Variants in DNM3 observed in about 807,000 individuals in gnomAD.
DNM3 encodes dynamin 3.
A neutral mutation model predicts 101.6 loss-of-function variants in DNM3; 47 were observed. The ratio of observed to expected loss-of-function variants is 0.46; its 90% confidence interval spans 0.37 to 0.59. The LOEUF is 0.59. Ranked by LOEUF, DNM3 falls within the 20% of genes least tolerant of loss-of-function variation. The pLI, the probability that DNM3 is intolerant of heterozygous loss-of-function variation, is 0.00. For missense variants in DNM3, 849 were observed against 1,085.7 expected (o/e 0.78, Z 3.06); for synonymous variants, 385 against 387.9 (o/e 0.99, Z 0.09).
intron 1 of DNM3, among the ~76,000 whole-genome samples, chr1:171,881,614 G>A (rs540377018): frequency 2.6e-5 from 4 of 152,288 alleles, no homozygotes; most frequent in African/African-American, 7.2e-5. Context: ...GGAGAGTCAG[G>A]ATGAAGGTCA....
rs555914688 is a variant in DNM3, at chr1:171,867,543, A to G, written c.161+25726A>G. Among the ~76,000 whole-genome samples the G allele has an allele frequency of 8.5e-4, 129 of 152,320 alleles. 1 individual carries two copies. Among genetic ancestry groups the G allele is most frequent in the African/African-American group, 2.7e-3 (114 of 41,570 alleles). The stretch of plus-strand genomic sequence containing the variant: ...TGTTTTTCTTTCAGATATTAACTCT[A>G]TGCTAAGGTTAGAGGCACCCAAACT... On this transcript the variant is annotated intron_variant, in intron 1 of 20. Coordinates refer to ENST00000627582, the MANE Select transcript of DNM3 (RefSeq NM_015569.5).
intron 2 of DNM3, among the ~76,000 whole-genome samples, chr1:171,966,809 T>C (rs2043621698): frequency 6.6e-6 from 1 of 152,206 alleles, no homozygotes; most frequent in African/African-American, 2.4e-5. Flanking sequence ...GGGCAAACTA[T>C]AGGACACAAA....
intron 1 of DNM3, among the ~76,000 whole-genome samples, chr1:171,858,418 G>T (rs1032922875): frequency 7.2e-5 from 11 of 151,942 alleles, no homozygotes; most frequent in African/African-American, 2.7e-4. Context: ...TTCAGCTGCT[G>T]ACTTAGCTTT....
At chr1:172,101,508 A>T (rs1281250595) in intron 13 of DNM3, among the ~76,000 whole-genome samples, 1 of 152,198 alleles carries the variant, frequency 6.6e-6, no homozygotes, top group Non-Finnish European at 1.5e-5. Context: ...TAACTGTTTC[A>T]TAAGGTTTTT....
At position 172,075,782 on chromosome 1, in the gene DNM3, G is replaced by T. The variant is rs191592930; in HGVS notation, c.1423-6050G>T. 3.4e-3 allele frequency among the ~76,000 whole-genome samples: 512 copies of T among 152,286 alleles called. 2 individuals are homozygous for T. The highest frequency in any genetic ancestry group is 7.9e-3 in the South Asian group (38 of 4,830). On this transcript the variant is annotated intron_variant, in intron 11 of 20. Transcript: ENST00000627582. ...AGCTTTGTACTTTTTGCCTACGCTTGTCTTGGCTATATGGGCTCTTTTTTG... is the reference window on the plus strand; with the variant it reads ...AGCTTTGTACTTTTTGCCTACGCTTTTCTTGGCTATATGGGCTCTTTTTTG...
intron 11 of DNM3, 111 bp downstream of exon 11, chr1:172,069,016 T>C (rs2051937718): frequency 6.4e-6 from 5 of 775,346 alleles, no homozygotes; most frequent in Non-Finnish European, 1.1e-5. Flanking sequence ...GAAAAAAAAA[T>C]AGTGGAACAC....
At chr1:171,854,498 C>CT (rs894527237) in intron 1 of DNM3, among the ~76,000 whole-genome samples, 33 of 151,548 alleles carry the variant, frequency 2.2e-4, no homozygotes, top group Non-Finnish European at 2.7e-4. Context: ...GCAATTTTTC[C>CT]TTTTTTTCTG....
chr1:171,950,496 G>C (rs1183914076), intron 2 of DNM3, among the ~76,000 whole-genome samples: 1 of 152,120 alleles, frequency 6.6e-6, no homozygotes. Context: ...TAGTAGGCTA[G>C]GCTTGGTAGG....
chr1:172,309,026 A>G (rs567483101), intron 16 of DNM3, 187 bp downstream of exon 16: 2 of 430,650 alleles, frequency 4.6e-6, no homozygotes, highest in East Asian at 3.5e-5. Context: ...TTAGATTTCT[A>G]TTTGAAGAAG....
At chr1:172,327,185 G>T (rs1320747739) in intron 17 of DNM3, among the ~76,000 whole-genome samples, 2 of 152,138 alleles carry the variant, frequency 1.3e-5, no homozygotes, top group African/African-American at 4.8e-5. Flanking sequence ...CAACATTTAA[G>T]AAACACTTTG....
intron 2 of DNM3, among the ~76,000 whole-genome samples, chr1:171,953,167 A>T (rs2125462414): frequency 6.6e-6 from 1 of 152,352 alleles, no homozygotes; most frequent in South Asian, 2.1e-4. Context: ...ACTCATATCT[A>T]GTTCTTGCAG....
chr1:171,865,360 T>C (rs1032457301), intron 1 of DNM3, among the ~76,000 whole-genome samples: 1 of 151,216 alleles, frequency 6.6e-6, no homozygotes, highest in East Asian at 1.9e-4. Context: ...TACAAAAAAA[T>C]ACAAGAATTA....
chr1:172,143,555 A>G (rs1020632323), intron 14 of DNM3, among the ~76,000 whole-genome samples: 2 of 152,018 alleles, frequency 1.3e-5, no homozygotes, highest in Non-Finnish European at 2.9e-5. Context: ...GGACAGCTGG[A>G]AACTGACCAA....
chr1:171,863,324 G>T (rs1466189162), intron 1 of DNM3, among the ~76,000 whole-genome samples: 3 of 151,988 alleles, frequency 2.0e-5, no homozygotes, highest in Non-Finnish European at 4.4e-5. Flanking sequence ...CAGACAAGAA[G>T]GGTGTATAGA....
chr1:172,125,848 A>C (rs1179549922), intron 13 of DNM3, among the ~76,000 whole-genome samples: 1 of 152,190 alleles, frequency 6.6e-6, no homozygotes, highest in Admixed American at 6.5e-5. Flanking sequence ...TGAATATAAA[A>C]TTAACATTTT....
chr1:171,873,755 C>G (rs755591981), intron 1 of DNM3, among the ~76,000 whole-genome samples: 1 of 152,192 alleles, frequency 6.6e-6, no homozygotes, highest in African/African-American at 2.4e-5. Flanking sequence ...TTTCTTTTCT[C>G]GTTCTCCACG....
intron 17 of DNM3, among the ~76,000 whole-genome samples, chr1:172,361,098 C>A (rs1276601412): frequency 2.6e-5 from 4 of 151,996 alleles, no homozygotes; most frequent in Admixed American, 2.6e-4. Context: ...GGTGGCTGAC[C>A]TTGGGTCTGG....
chr1:172,184,057 CT>C (rs1222378866), intron 14 of DNM3, among the ~76,000 whole-genome samples: 4 of 151,968 alleles, frequency 2.6e-5, no homozygotes, highest in African/African-American at 9.6e-5. Flanking sequence ...GGATTAGTTG[CT>C]TTATCTCAAT....
At chr1:171,998,310 A>C (rs774504535) in intron 4 of DNM3, among the ~76,000 whole-genome samples, 1 of 152,182 alleles carries the variant, frequency 6.6e-6, no homozygotes. Flanking sequence ...CTTCTAGATC[A>C]AATATTGTGA....
Sources: allele counts gnomAD v4.1 joint callset (sites outside exome capture counted in the v4.1 genomes callset), GRCh38; gene constraint gnomAD v4.1.1; transcripts MANE v1.5; gene names NCBI Gene and HGNC (gene_info 2026-07-23, HGNC 2026-07-21).